PHLPP2: variants seen among roughly 807,000 people sequenced by gnomAD.
PHLPP2 encodes the protein PH domain and leucine rich repeat protein phosphatase 2.
Under a neutral mutation model 124.9 loss-of-function variants are expected in PHLPP2, and 66 were observed. That is an observed-to-expected ratio of 0.53 (90% CI 0.43 to 0.65). The LOEUF is 0.65. Ranked by LOEUF, PHLPP2 falls within the 30% of genes least tolerant of loss-of-function variation. PHLPP2 has a pLI of 0.00. For missense variants in PHLPP2, 1,685 were observed against 1,600.4 expected, an observed-to-expected ratio of 1.05 and a Z score of -0.90; for synonymous variants, 681 against 624.7, an observed-to-expected ratio of 1.09 and a Z score of -1.34.
At chr16:71,709,892 G>A (rs963154221) in intron 2 of PHLPP2, among the ~76,000 whole-genome samples, 3 of 152,084 alleles carry the variant, frequency 2.0e-5, no homozygotes, top group African/African-American at 7.2e-5. Flanking sequence ...GGAATGCAGT[G>A]GTGCAATCTT....
rs1413005972 is a variant in PHLPP2, at chr16:71,707,982, G to T, written c.285-5251C>A. Among the ~76,000 whole-genome samples, 3 of 152,260 alleles carry T rather than the reference G, an allele frequency of 2.0e-5. No individual in the cohort carries two copies. The East Asian group carries it at 5.8e-4, about 29-fold the overall frequency. The stretch of plus-strand genomic sequence containing the variant: ...ATAACCATTAAGAAAAATCGGCAGG[G>T]CACAGTGGCTCACCCCTGTAATACG... On this transcript the variant is annotated intron_variant, in intron 2 of 18. Transcript: ENST00000568954.
At chr16:71,697,817 C>CTCTT (rs1402493913) in intron 3 of PHLPP2, among the ~76,000 whole-genome samples, 2 of 129,466 alleles carry the variant, frequency 1.5e-5, no homozygotes, top group East Asian at 2.4e-4. Flanking sequence ...CTCTCTCTCT[C>CTCTT]TTTTTTTTTT....
At chr16:71,700,071 A>G (rs2045214831) in intron 3 of PHLPP2, among the ~76,000 whole-genome samples, 1 of 152,208 alleles carries the variant, frequency 6.6e-6, no homozygotes, top group Non-Finnish European at 1.5e-5. Flanking sequence ...CAAGTCCCAA[A>G]GAGGGGTCAA....
At chr16:71,719,988 T>TTG (rs869036837) in intron 1 of PHLPP2, among the ~76,000 whole-genome samples, 2 of 139,058 alleles carry the variant, frequency 1.4e-5, no homozygotes, top group Admixed American at 7.2e-5. Flanking sequence ...TTTTTTTTTT[T>TTG]GAGACGGAGT....
At chr16:71,691,440 G>A (rs1180652068) in intron 3 of PHLPP2, among the ~76,000 whole-genome samples, 8 of 151,212 alleles carry the variant, frequency 5.3e-5, no homozygotes, top group South Asian at 2.1e-4. Context: ...CAGCCTGGGC[G>A]ACAGAGCAAG....
At chr16:71,679,611 C>T in intron 6 of PHLPP2, 76 bp from the exon 7 acceptor site, 3 of 1,179,096 alleles carry the variant, frequency 2.5e-6, no homozygotes, top group Non-Finnish European at 3.7e-6. Context: ...ACATCAACGG[C>T]CTTTGATATC....
chr16:71,714,846 C>T lies in PHLPP2; in HGVS notation c.-6-45G>A, dbSNP rs758481513. ...AGAAATCGTTAGCTAGAACATCTGA[C>T]TGAATTAGACATTTCAGTCCTCACC... On this transcript the variant is annotated intron_variant, in intron 1 of 18. Coordinates refer to ENST00000568954, the MANE Select transcript of PHLPP2 (RefSeq NM_015020.3). 3.2e-6 allele frequency: 5 copies of T among 1,571,330 alleles called. No individual in the cohort carries two copies. In the African/African-American group the frequency reaches 6.8e-5, roughly 21 times the overall value.
chr16:71,693,691 T>C (rs552657271), intron 3 of PHLPP2, among the ~76,000 whole-genome samples: 2 of 152,328 alleles, frequency 1.3e-5, no homozygotes, highest in Admixed American at 6.5e-5. Context: ...TTAACTGTGA[T>C]TCATGAACAT....
chr16:71,665,653 C>T (rs112095509), intron 12 of PHLPP2, among the ~76,000 whole-genome samples: 7 of 152,290 alleles, frequency 4.6e-5, no homozygotes, highest in African/African-American at 1.7e-4. Context: ...CTCAACAAAG[C>T]TCTTTCCAGA....
intron 1 of PHLPP2, among the ~76,000 whole-genome samples, chr16:71,719,964 A>ATTTTTTTTTTTTTTTTTTTTTTTTTT (rs756642820): frequency 3.8e-5 from 2 of 53,250 alleles, no homozygotes; most frequent in African/African-American, 8.3e-5. Context: ...TGCCCAGCTA[A>ATTTTTTTTTTTTTTTTTTTTTTTTTT]TTTTTTTTTT....
In PHLPP2 at chr16:71,714,690, A is replaced by G. The variant is rs761275610; in HGVS notation, c.106T>C (p.Tyr36His). ...GTGGCAGTGGTAGTGTCTGCTCCATAAAGGTAAACACAGCCTCTCTTTACA... is the reference window on the plus strand; with the variant it reads ...GTGGCAGTGGTAGTGTCTGCTCCATGAAGGTAAACACAGCCTCTCTTTACA... Reference protein sequence around the residue: ...EDVKRGCVYLYGADTTTATTT... With the variant: ...EDVKRGCVYLHGADTTTATTT... The change falls in exon 2 of 19, where the codon TAT (tyrosine) becomes CAT (histidine). Residue 36 changes from tyrosine to histidine, a missense_variant. Transcript: ENST00000568954. The G allele has an allele frequency of 4.3e-6, 7 of 1,613,918 alleles. No individual in the cohort carries two copies. The South Asian group carries it at 5.5e-5, about 13-fold the overall frequency.
At chr16:71,699,465 G>A (rs1039018710) in intron 3 of PHLPP2, among the ~76,000 whole-genome samples, 3 of 152,178 alleles carry the variant, frequency 2.0e-5, no homozygotes, top group Non-Finnish European at 4.4e-5. Flanking sequence ...TGGCAGGGAG[G>A]CAACTTGACT....
At chr16:71,715,253 G>A (rs1006381662) in intron 1 of PHLPP2, 1 of 165,784 alleles carries the variant, frequency 6.0e-6, no homozygotes, top group Non-Finnish European at 1.3e-5. Context: ...CCAGCTACTT[G>A]AGGGTGGAGA....
At chr16:71,693,909 C>T (rs1232963810) in intron 3 of PHLPP2, among the ~76,000 whole-genome samples, 1 of 152,134 alleles carries the variant, frequency 6.6e-6, no homozygotes, top group Non-Finnish European at 1.5e-5. Context: ...TAGTAAAAAT[C>T]TGGCCAGGTG....
chr16:71,649,889 C>G lies in PHLPP2; in HGVS notation c.2973G>C (p.Leu991Phe), dbSNP rs994892561. Residue 991 changes from leucine (L) to phenylalanine (F), a missense_variant, in exon 19 of 19, where the codon TTG (leucine) becomes TTC (phenylalanine). Transcript: ENST00000568954. ...ILGNKALWEH[L>F]SYTEAVNAVR... is the part of the protein sequence containing the mutation. ...CAGCATTGACAGCTTCTGTGTAGGA[C>G]AAGTGTTCCCACAATGCTTTGTTTC... 3 of 1,614,114 alleles carry G rather than the reference C, an allele frequency of 1.9e-6. No individual in the cohort carries two copies. In the African/African-American group the frequency reaches 4.0e-5, roughly 22 times the overall value.
At chr16:71,723,835 C>T in intron 1 of PHLPP2, 1 of 1,234,276 alleles carries the variant, frequency 8.1e-7, no homozygotes, top group Non-Finnish European at 1.0e-6. Context: ...GGGGCTCCAG[C>T]GGGCCCGCGG....
chr16:71,679,444 T>G lies in PHLPP2; in HGVS notation c.982A>C (p.Asn328His). Residue 328 changes from asparagine (N) to histidine (H), a missense_variant, in exon 7 of 19, where the codon AAC becomes CAC. By Grantham distance (68) the Asn-to-His change is moderately conservative. Transcript: ENST00000568954. ...TCATGAAATCCATTACAGGAAAGGT[T>G]GAGCTCAGTCAGGGTAGAGATCTCG... ...LCEISTLTELNLSCNGFHDLP... is the reference protein window; with the variant it reads ...LCEISTLTELHLSCNGFHDLP... 6.2e-7 allele frequency: 1 copy of G among 1,613,906 alleles called. No individual in the cohort carries two copies. The highest frequency in any genetic ancestry group is 8.5e-7 in the Non-Finnish European group (1 of 1,179,774).
intron 5 of PHLPP2, among the ~76,000 whole-genome samples, chr16:71,683,370 G>C (rs1213712765): frequency 3.9e-5 from 6 of 152,222 alleles, no homozygotes; most frequent in Non-Finnish European, 7.3e-5. Flanking sequence ...AGGAATAATG[G>C]TTTGTGGCAG....
At chr16:71,669,696 A>G (rs2044873709) in intron 10 of PHLPP2, among the ~76,000 whole-genome samples, 1 of 152,270 alleles carries the variant, frequency 6.6e-6, no homozygotes, top group Non-Finnish European at 1.5e-5. Flanking sequence ...ATTATAATTA[A>G]CAAACCTTCA....
Sources: allele counts gnomAD v4.1 joint callset (sites outside exome capture counted in the v4.1 genomes callset), GRCh38; gene constraint gnomAD v4.1.1; transcripts MANE v1.5; gene names NCBI Gene and HGNC (gene_info 2026-07-23, HGNC 2026-07-21).